ZFAND5: variants seen among roughly 807,000 people sequenced by gnomAD.
ZFAND5 encodes the protein zinc finger AN1-type containing 5, also known as AN1-type zinc finger protein 5.
In ZFAND5, 4 loss-of-function variants were observed where a neutral mutation model predicts 23.6. The observed-to-expected ratio is 0.17, with a 90% CI of 0.08 to 0.39. The LOEUF (loss-of-function observed/expected upper bound fraction) is 0.39. ZFAND5 is among the 10% of genes least tolerant of loss of function. The pLI is 1.00. For missense variants in ZFAND5, 161 were observed against 253.7 expected (o/e 0.63, Z 2.48); for synonymous variants, 68 against 80.6 (o/e 0.84, Z 0.84).
chr9:72,360,864 T>C, intron 2 of ZFAND5, 77 bp from the exon 3 acceptor site: 2 of 1,309,492 alleles, frequency 1.5e-6, no homozygotes, highest in South Asian at 3.8e-5. Flanking sequence ...TATACCGTTG[T>C]AATTGCTACG....
rs1278369361 is a variant in ZFAND5, at chr9:72,355,024, G to C, written c.*929C>G. The C allele has an allele frequency of 6.6e-6, 1 of 152,626 alleles. No homozygotes were observed. The highest frequency in any genetic ancestry group is 2.4e-5 in the African/African-American group (1 of 41,454). 9.5% of individuals were successfully genotyped at this position (152,626 alleles called of 1,614,324 possible). A position where few individuals can be genotyped will look rare whatever the true frequency, so the allele number is the denominator to read the frequency against. ...ATGCAGAAGGGTACAGTTACATTAAGAACTGAAGTCTTTTAAAAAGCTTTA... is the reference window on the plus strand; with the variant it reads ...ATGCAGAAGGGTACAGTTACATTAACAACTGAAGTCTTTTAAAAAGCTTTA... On this transcript the variant is annotated 3_prime_UTR_variant, in exon 7 of 7. Transcript: ENST00000376962.
chr9:72,357,168 G>A (rs2758465), intron 5 of ZFAND5, 112 bp from the exon 6 acceptor site: 3 of 1,286,758 alleles, frequency 2.3e-6, no homozygotes, highest in South Asian at 1.6e-5. Context: ...ATGTTTATAA[G>A]TATTCCTTGA....
chr9:72,353,473 CAA>C lies in ZFAND5; in HGVS notation c.*2478_*2479del, dbSNP rs1226060849. The C allele has an allele frequency of 6.6e-6, 1 of 152,234 alleles. No individual in the cohort carries two copies. The highest frequency in any genetic ancestry group is 1.9e-4 in the East Asian group (1 of 5,190). The allele number at this position is 152,234 out of a possible 1,614,324, so 9.4% of individuals were successfully genotyped here. On this transcript the variant is annotated 3_prime_UTR_variant, in exon 7 of 7. Coordinates refer to ENST00000376962, the MANE Select transcript of ZFAND5 (RefSeq NM_001102420.3). ...GGCAGCTCACCTGAGGTCAGGAGTTCAAGACCAGCCTGACCAACATGGAGAAA... is the reference window on the plus strand; with the variant it reads ...GGCAGCTCACCTGAGGTCAGGAGTTCGACCAGCCTGACCAACATGGAGAAA...
chr9:72,360,851 C>T (rs577884233), intron 2 of ZFAND5, 64 bp from the exon 3 acceptor site: 103 of 1,455,448 alleles, frequency 7.1e-5, no homozygotes, highest in South Asian at 5.6e-4. Context: ...ATATAATCAT[C>T]GGTATACCGT....
intron 4 of ZFAND5, among the ~76,000 whole-genome samples, chr9:72,359,724 C>A (rs971903682): frequency 6.6e-6 from 1 of 152,124 alleles, no homozygotes; most frequent in Non-Finnish European, 1.5e-5. Flanking sequence ...GAACTCGAGG[C>A]TGCATTTTGT....
chr9:72,360,886 A>T (rs1317802849), intron 2 of ZFAND5, 99 bp from the exon 3 acceptor site: 2 of 1,105,158 alleles, frequency 1.8e-6, no homozygotes, highest in Admixed American at 2.9e-5. Context: ...AAGTTTTAAC[A>T]AAAGCCCAAA....
chr9:72,357,128 T>G (rs1841966319), intron 5 of ZFAND5, 72 bp from the exon 6 acceptor site: 2 of 1,561,874 alleles, frequency 1.3e-6, no homozygotes, highest in African/African-American at 1.4e-5. Context: ...AAGGAAGTAT[T>G]TAAGAGAAAC....
rs754244708 is a variant in ZFAND5, at chr9:72,360,711, T to G, written c.68A>C (p.Asn23Thr). 1 of 1,613,964 alleles carries G rather than the reference T, an allele frequency of 6.2e-7. No homozygotes were observed. The highest frequency in any genetic ancestry group is 8.5e-7 in the Non-Finnish European group (1 of 1,179,956). Residue 23 changes from asparagine (N) to threonine (T), a missense_variant, in exon 3 of 7, where the codon AAT (asparagine) becomes ACT (threonine). Around this residue, in one of 3 missense-constraint regions of ZFAND5, gnomAD observed 21 missense variants for 58.5 expected, o/e 0.36. Transcript: ENST00000376962. ...TGAACACATTCCATTTGTCCTAGGA[T>G]TTCCATAAAAGCCACATCCTGTGCT... ...LCSTGCGFYG[N>T]PRTNGMCSVC...
In ZFAND5 at chr9:72,352,505, A is replaced by G. The variant is rs907694687; in HGVS notation, c.*3448T>C. 6.6e-6 allele frequency: 1 copy of G among 152,218 alleles called. No homozygotes were observed. The highest frequency in any genetic ancestry group is 2.4e-5 in the African/African-American group (1 of 41,454). 9.4% of individuals were successfully genotyped at this position (152,218 alleles called of 1,614,324 possible). A position where few individuals can be genotyped will look rare whatever the true frequency, so the allele number is the denominator to read the frequency against. On this transcript the variant is annotated 3_prime_UTR_variant, in exon 7 of 7. Coordinates refer to ENST00000376962, the MANE Select transcript of ZFAND5 (RefSeq NM_001102420.3). The stretch of plus-strand genomic sequence containing the variant: ...AGTGTGTATTGATAAATCCATGTGA[A>G]TGTTATTACCAACCCCCAAAATACA...
intron 3 of ZFAND5, 92 bp from the exon 4 acceptor site, chr9:72,360,313 G>A (rs1034531740): frequency 1.8e-6 from 2 of 1,123,622 alleles, no homozygotes; most frequent in Non-Finnish European, 2.6e-6. Flanking sequence ...CATTTAATTA[G>A]GTTAGTGATA....
intron 2 of ZFAND5, among the ~76,000 whole-genome samples, chr9:72,362,911 C>G (rs1212251308): frequency 6.6e-6 from 1 of 152,140 alleles, no homozygotes; most frequent in African/African-American, 2.4e-5. Context: ...AAATCAGCTT[C>G]TATTTATATC....
intron 4 of ZFAND5, 89 bp downstream of exon 4, chr9:72,360,021 G>T: frequency 9.1e-7 from 1 of 1,093,468 alleles, no homozygotes; most frequent in Non-Finnish European, 1.3e-6. Flanking sequence ...GCAAAGCCAA[G>T]GGTATCTATT....
At chr9:72,360,432 C>T in intron 3 of ZFAND5, 196 bp downstream of exon 3, 1 of 866,446 alleles carries the variant, frequency 1.2e-6, no homozygotes, top group Non-Finnish European at 1.7e-6. Flanking sequence ...AAAAAGAAAA[C>T]TGAAAAGCTA....
At chr9:72,356,789 C>A in intron 6 of ZFAND5, 142 bp downstream of exon 6, 3 of 1,035,970 alleles carry the variant, frequency 2.9e-6, no homozygotes, top group South Asian at 4.5e-5. Flanking sequence ...CCAATACCAC[C>A]TCCTCCACCT....
chr9:72,356,243 TG>T, intron 6 of ZFAND5, 142 bp from the exon 7 acceptor site: 1 of 1,038,668 alleles, frequency 9.6e-7, no homozygotes, highest in Non-Finnish European at 1.4e-6. Context: ...CACTTCCTGG[TG>T]ATAAGACACA....
intron 3 of ZFAND5, 65 bp downstream of exon 3, chr9:72,360,563 A>T: frequency 6.2e-7 from 1 of 1,603,420 alleles, no homozygotes. Flanking sequence ...CTCAGCCCCA[A>T]TTCTTGGTTC....
At chr9:72,357,141 G>A (rs1841966587) in intron 5 of ZFAND5, 85 bp from the exon 6 acceptor site, 1 of 1,480,520 alleles carries the variant, frequency 6.8e-7, no homozygotes, top group Non-Finnish European at 9.1e-7. Context: ...AGAGAAACAG[G>A]AAGATGCCTG....
intron 5 of ZFAND5, 92 bp from the exon 6 acceptor site, chr9:72,357,148 C>T: frequency 2.7e-6 from 4 of 1,456,304 alleles, no homozygotes; most frequent in African/African-American, 1.4e-5. Flanking sequence ...CAGGAAGATG[C>T]CTGATAAAAA....
chr9:72,356,640 T>C (rs1039771239), intron 6 of ZFAND5, among the ~76,000 whole-genome samples: 1 of 152,170 alleles, frequency 6.6e-6, no homozygotes, highest in Non-Finnish European at 1.5e-5. Context: ...TCAAAGTAGG[T>C]GGCGCTTACT....
Sources: allele counts gnomAD v4.1 joint callset (sites outside exome capture counted in the v4.1 genomes callset), GRCh38; gene constraint gnomAD v4.1.1; regional missense constraint gnomAD v4.1.1; transcripts MANE v1.5; gene names NCBI Gene and HGNC (gene_info 2026-07-23, HGNC 2026-07-21).